NLGN1: variants seen among roughly 807,000 people sequenced by gnomAD.
NLGN1 encodes the protein neuroligin-1.
In NLGN1, 12 loss-of-function variants were observed where a neutral mutation model predicts 65.5. That is an observed-to-expected ratio of 0.18 (90% CI 0.12 to 0.30). The LOEUF (loss-of-function observed/expected upper bound fraction) is 0.30, where lower values mean the gene tolerates loss of function less well. Among genes scored for constraint, NLGN1 ranks in the 10% least tolerant of loss-of-function variants. The pLI is 1.00. For missense variants in NLGN1, 750 were observed against 1,007.1 expected, an observed-to-expected ratio of 0.74 and a Z score of 3.46; for synonymous variants, 350 against 359.5, an observed-to-expected ratio of 0.97 and a Z score of 0.30.
At chr3:173,811,504 T>C (rs372980884) in intron 4 of NLGN1, among the ~76,000 whole-genome samples, 4 of 149,898 alleles carry the variant, frequency 2.7e-5, no homozygotes, top group East Asian at 3.9e-4. Flanking sequence ...GAGGCAGAGG[T>C]TGCAGTGAGC....
At chr3:173,663,817 C>G (rs1286830891) in intron 3 of NLGN1, among the ~76,000 whole-genome samples, 1 of 151,582 alleles carries the variant, frequency 6.6e-6, no homozygotes, top group Non-Finnish European at 1.5e-5. Context: ...GAAAGTCACG[C>G]TTCTTGAAGA....
intron 4 of NLGN1, among the ~76,000 whole-genome samples, chr3:173,880,895 T>C (rs1303967912): frequency 4.6e-5 from 7 of 152,180 alleles, no homozygotes; most frequent in Admixed American, 4.6e-4. Context: ...GCTTTCAAAA[T>C]GTACCACAGC....
chr3:173,742,465 A>G (rs1001981026), intron 3 of NLGN1, among the ~76,000 whole-genome samples: 11 of 152,294 alleles, frequency 7.2e-5, no homozygotes, highest in Non-Finnish European at 1.0e-4. Flanking sequence ...TTTATATGCA[A>G]TGTCTCAACC....
At chr3:173,886,941 C>CT (rs1247392078) in intron 4 of NLGN1, among the ~76,000 whole-genome samples, 4 of 151,968 alleles carry the variant, frequency 2.6e-5, no homozygotes, top group Admixed American at 2.0e-4. Context: ...AAATATGGCT[C>CT]TTTTTTTCTG....
chr3:173,605,667 T>A (rs1291988442), intron 3 of NLGN1, 74 bp downstream of exon 3: 1 of 654,432 alleles, frequency 1.5e-6, no homozygotes. Flanking sequence ...TCCCTAAGGA[T>A]GATTTGCTGA....
At chr3:174,257,167 A>G (rs1032844263) in intron 4 of NLGN1, among the ~76,000 whole-genome samples, 2 of 152,198 alleles carry the variant, frequency 1.3e-5, no homozygotes, top group African/African-American at 2.4e-5. Flanking sequence ...GCTCATCATC[A>G]CTGGTCATTA....
chr3:174,036,571 T>A (rs1442216593), intron 4 of NLGN1, among the ~76,000 whole-genome samples: 1 of 128,138 alleles, frequency 7.8e-6, no homozygotes, highest in Non-Finnish European at 1.6e-5. Context: ...TTTATGGAAA[T>A]AGGTTTTTTG....
chr3:173,855,105 AGT>A (rs1395315575), intron 4 of NLGN1, among the ~76,000 whole-genome samples: 1 of 152,110 alleles, frequency 6.6e-6, no homozygotes, highest in Non-Finnish European at 1.5e-5. Flanking sequence ...ACGCTTTAAC[AGT>A]GTTTGACAAA....
At chr3:173,882,996 T>C (rs547221589) in intron 4 of NLGN1, among the ~76,000 whole-genome samples, 9 of 148,532 alleles carry the variant, frequency 6.1e-5, no homozygotes, top group African/African-American at 2.3e-4. Flanking sequence ...TTAATATTGC[T>C]GTTTCACTTA....
At chr3:173,723,394 GTTTA>G (rs1162997811) in intron 3 of NLGN1, among the ~76,000 whole-genome samples, 6 of 152,230 alleles carry the variant, frequency 3.9e-5, no homozygotes, top group Admixed American at 3.9e-4. Context: ...TATCTAAAAA[GTTTA>G]TTTAGTCTTA....
intron 3 of NLGN1, among the ~76,000 whole-genome samples, chr3:173,696,490 T>C (rs1766241125): frequency 6.6e-6 from 1 of 152,178 alleles, no homozygotes; most frequent in South Asian, 2.1e-4. Context: ...AATCAAGAGA[T>C]CCAGCCCATT....
At chr3:173,406,352 G>C (rs1388860764) in intron 1 of NLGN1, among the ~76,000 whole-genome samples, 1 of 151,330 alleles carries the variant, frequency 6.6e-6, no homozygotes, top group East Asian at 1.9e-4. Context: ...TTATCAGTAA[G>C]AAGCAAGAGA....
intron 2 of NLGN1, among the ~76,000 whole-genome samples, chr3:173,456,330 G>A (rs1722511191): frequency 6.6e-6 from 1 of 152,130 alleles, no homozygotes; most frequent in Non-Finnish European, 1.5e-5. Context: ...GGCAAGGAAA[G>A]ATACCTCTTG....
chr3:173,800,233 C>T, intron 3 of NLGN1: 1 of 537,292 alleles, frequency 1.9e-6, no homozygotes. Flanking sequence ...TCCCCTCAGT[C>T]TTGTTTATTC....
intron 2 of NLGN1, among the ~76,000 whole-genome samples, chr3:173,467,063 AATCTC>A (rs1487512481): frequency 6.6e-6 from 1 of 152,150 alleles, no homozygotes; most frequent in Non-Finnish European, 1.5e-5. Flanking sequence ...ATATATTTCT[AATCTC>A]ATCAGAGGAA....
chr3:174,293,387 C>T, the NLGN1 span, among the ~76,000 whole-genome samples: 5 of 151,262 alleles, frequency 3.3e-5, no homozygotes, highest in African/African-American at 1.2e-4. Flanking sequence ...ATTAATAATA[C>T]ACGACAATGT....
intron 4 of NLGN1, among the ~76,000 whole-genome samples, chr3:174,129,105 A>G (rs1173385716): frequency 3.3e-5 from 5 of 152,204 alleles, no homozygotes; most frequent in Non-Finnish European, 7.4e-5. Context: ...ACACAAGCAG[A>G]TAAGTAGCGT....
At chr3:173,566,015 A>G (rs1743597645) in intron 2 of NLGN1, among the ~76,000 whole-genome samples, 1 of 152,200 alleles carries the variant, frequency 6.6e-6, no homozygotes, top group Non-Finnish European at 1.5e-5. Flanking sequence ...AAAGTAAGTA[A>G]AATTATTTGT....
intron 4 of NLGN1, among the ~76,000 whole-genome samples, chr3:173,935,783 A>G (rs988318798): frequency 6.6e-6 from 1 of 151,978 alleles, no homozygotes; most frequent in African/African-American, 2.4e-5. Flanking sequence ...CTTTTAAACC[A>G]ATTGTTAGTG....
Sources: allele counts gnomAD v4.1 joint callset (sites outside exome capture counted in the v4.1 genomes callset), GRCh38; gene constraint gnomAD v4.1.1; transcripts MANE v1.5; gene names NCBI Gene and HGNC (gene_info 2026-07-23, HGNC 2026-07-21).